Variants in LHFPL3 observed in about 807,000 individuals in gnomAD.
LHFPL3 encodes LHFPL tetraspan subfamily member 3.
In LHFPL3, 5 loss-of-function variants were observed where a neutral mutation model predicts 19.3. That is an observed-to-expected ratio of 0.26 (90% CI 0.14 to 0.54). LHFPL3 has a LOEUF of 0.54. Ranked by LOEUF, LHFPL3 falls within the 20% of genes least tolerant of loss-of-function variation. LHFPL3 has a pLI of 0.94. For synonymous variants in LHFPL3, 133 were observed against 126.2 expected, an observed-to-expected ratio of 1.05 and a Z score of -0.36; for missense variants, 249 against 307.4, an observed-to-expected ratio of 0.81 and a Z score of 1.42.
intron 1 of LHFPL3, among the ~76,000 whole-genome samples, chr7:104,408,265 T>G (rs1791458419): frequency 6.6e-6 from 1 of 151,838 alleles, no homozygotes; most frequent in Admixed American, 6.5e-5. Flanking sequence ...TGAAATACAT[T>G]GTTTCTCATT....
At chr7:104,837,863 T>TTTGA (rs1388498897) in intron 2 of LHFPL3, among the ~76,000 whole-genome samples, 1 of 152,198 alleles carries the variant, frequency 6.6e-6, no homozygotes, top group Non-Finnish European at 1.5e-5. Flanking sequence ...TATCACGGTG[T>TTTGA]TTGATAGACA....
chr7:104,844,763 C>T (rs147580943), intron 2 of LHFPL3, among the ~76,000 whole-genome samples: 7 of 152,146 alleles, frequency 4.6e-5, no homozygotes, highest in East Asian at 1.9e-4. Context: ...TTTTTTGAGA[C>T]GCAATTTTGC....
At chr7:104,595,564 A>G (rs1164416769) in intron 1 of LHFPL3, among the ~76,000 whole-genome samples, 1 of 152,194 alleles carries the variant, frequency 6.6e-6, no homozygotes, top group Non-Finnish European at 1.5e-5. Context: ...GAGCTCAAAC[A>G]CAGTGCTGGG....
At chr7:104,630,313 G>C (rs2115844111) in intron 1 of LHFPL3, among the ~76,000 whole-genome samples, 1 of 152,200 alleles carries the variant, frequency 6.6e-6, no homozygotes, top group East Asian at 1.9e-4. Context: ...TGGTGAGCTG[G>C]GTTTATAAGG....
intron 1 of LHFPL3, among the ~76,000 whole-genome samples, chr7:104,546,421 T>C (rs1177192009): frequency 6.6e-6 from 1 of 152,138 alleles, no homozygotes; most frequent in African/African-American, 2.4e-5. Context: ...TAACCACACA[T>C]TGTGTAGTGA....
intron 1 of LHFPL3, chr7:104,667,825 G>A: frequency 6.2e-6 from 10 of 1,609,612 alleles, no homozygotes; most frequent in East Asian, 2.2e-5. Flanking sequence ...GAGGATGGGG[G>A]TACTGGTGGA....
intron 2 of LHFPL3, among the ~76,000 whole-genome samples, chr7:104,893,822 T>G (rs1792299897): frequency 6.6e-6 from 1 of 151,778 alleles, no homozygotes; most frequent in African/African-American, 2.4e-5. Flanking sequence ...CATGGTGGCA[T>G]ACCCCTGTAA....
Position 104,795,981 on chromosome 7 carries a change from AGCCC to A in LHFPL3, c.682+59071_682+59074del, listed in dbSNP as rs1367815221. Among the ~76,000 whole-genome samples the A allele has an allele frequency of 5.6e-4, 85 of 150,490 alleles. 1 individual carries two copies. Among genetic ancestry groups the A allele is most frequent in the East Asian group, 4.5e-3 (23 of 5,056 alleles). Reference sequence around the variant, plus strand: ...ATACCCATTGAAATATGGATCTAAAAGCCCACCCCTGCCCACCCCAGTGCCGGGG... The same window carrying A: ...ATACCCATTGAAATATGGATCTAAAAACCCCTGCCCACCCCAGTGCCGGGG... On this transcript the variant is annotated intron_variant, in intron 2 of 2. Coordinates refer to ENST00000424859, the MANE Select transcript of LHFPL3 (RefSeq NM_199000.3).
At chr7:104,865,346 G>A (rs968796888) in intron 2 of LHFPL3, among the ~76,000 whole-genome samples, 15 of 152,212 alleles carry the variant, frequency 9.9e-5, no homozygotes, top group African/African-American at 3.6e-4. Flanking sequence ...TAGACGAATG[G>A]CTAACTAGAA....
At chr7:104,633,355 C>T (rs992534589) in intron 1 of LHFPL3, among the ~76,000 whole-genome samples, 1 of 152,130 alleles carries the variant, frequency 6.6e-6, no homozygotes, top group Non-Finnish European at 1.5e-5. Flanking sequence ...CCACAACAGG[C>T]ATTTTGTCTG....
intron 1 of LHFPL3, among the ~76,000 whole-genome samples, chr7:104,522,415 T>G (rs1189241306): frequency 3.6e-5 from 5 of 139,616 alleles, no homozygotes; most frequent in African/African-American, 1.1e-4. Context: ...GAGGGATGGA[T>G]TGGGAGATAT....
At chr7:104,470,613 T>C (rs552257726) in intron 1 of LHFPL3, among the ~76,000 whole-genome samples, 6 of 152,276 alleles carry the variant, frequency 3.9e-5, no homozygotes, top group African/African-American at 9.6e-5. Context: ...ATAAAAACCC[T>C]ATCATTCCCT....
intron 1 of LHFPL3, among the ~76,000 whole-genome samples, chr7:104,732,066 G>A (rs1237978138): frequency 2.0e-5 from 3 of 152,178 alleles, no homozygotes; most frequent in Non-Finnish European, 2.9e-5. Context: ...GCATCCCAGG[G>A]ATGAAGTCCA....
chr7:104,407,447 A>G (rs1291987746), intron 1 of LHFPL3, among the ~76,000 whole-genome samples: 3 of 152,170 alleles, frequency 2.0e-5, no homozygotes, highest in African/African-American at 7.2e-5. Flanking sequence ...ACCTGAGGTC[A>G]TGAGTTTGAG....
At chr7:104,468,485 GCTT>G (rs1042190730) in intron 1 of LHFPL3, among the ~76,000 whole-genome samples, 13 of 152,092 alleles carry the variant, frequency 8.5e-5, no homozygotes, top group Admixed American at 5.9e-4. Flanking sequence ...AATTGTCATG[GCTT>G]TTTGGGGGTA....
At chr7:104,450,982 C>T (rs148795175) in intron 1 of LHFPL3, among the ~76,000 whole-genome samples, 31 of 152,204 alleles carry the variant, frequency 2.0e-4, no homozygotes, top group African/African-American at 6.5e-4. Context: ...TCCTACAAAC[C>T]GTCCTCAACT....
chr7:104,618,145 T>C (rs1270978664), intron 1 of LHFPL3, among the ~76,000 whole-genome samples: 3 of 152,228 alleles, frequency 2.0e-5, no homozygotes, highest in Non-Finnish European at 2.9e-5. Flanking sequence ...GAGATGTTTT[T>C]CATCCTGGCT....
intron 1 of LHFPL3, 126 bp downstream of exon 1, chr7:104,329,350 G>C (rs1801526453): frequency 1.5e-5 from 19 of 1,267,482 alleles, no homozygotes; most frequent in Non-Finnish European, 2.0e-5. Context: ...CCGCTCAGGC[G>C]TCGAGGTGTG....
At chr7:104,750,756 AG>A (rs1346411952) in intron 2 of LHFPL3, among the ~76,000 whole-genome samples, 1 of 151,984 alleles carries the variant, frequency 6.6e-6, no homozygotes, top group African/African-American at 2.4e-5. Context: ...CACTTGGGAC[AG>A]GGGGGGTTGT....
Sources: allele counts gnomAD v4.1 joint callset (sites outside exome capture counted in the v4.1 genomes callset), GRCh38; gene constraint gnomAD v4.1.1; transcripts MANE v1.5; gene names NCBI Gene and HGNC (gene_info 2026-07-23, HGNC 2026-07-21).